Variants in CCDC102B observed in about 807,000 individuals in gnomAD.
The protein encoded by CCDC102B is coiled-coil domain-containing protein 102B.
In CCDC102B, 75 loss-of-function variants were observed where a neutral mutation model predicts 57.4. The ratio of observed to expected loss-of-function variants is 1.31; its 90% confidence interval spans 1.08 to 1.58. The LOEUF (loss-of-function observed/expected upper bound fraction) is 1.58, where lower values mean the gene tolerates loss of function less well. Among genes scored for constraint, CCDC102B ranks in the 40% most tolerant of loss-of-function variants. The pLI, the probability that CCDC102B is intolerant of heterozygous loss-of-function variation, is 0.00. For missense variants in CCDC102B, 636 were observed against 582.6 expected, an observed-to-expected ratio of 1.09 and a Z score of -0.94; for synonymous variants, 206 against 201.9, an observed-to-expected ratio of 1.02 and a Z score of -0.17.
At chr18:68,781,338 C>CAG (rs34360445) in intron 2 of CCDC102B, among the ~76,000 whole-genome samples, 83,965 of 151,806 alleles carry the variant, frequency 0.55, 23,558 homozygotes, top group East Asian at 0.91. Context: ...AGTGGGTGGA[C>CAG]AAAGAAATTT....
intron 6 of CCDC102B, among the ~76,000 whole-genome samples, chr18:68,997,710 T>A (rs1403178794): frequency 6.6e-6 from 1 of 152,054 alleles, no homozygotes; most frequent in Non-Finnish European, 1.5e-5. Context: ...CATTCATCCG[T>A]GTCTTTTTAA....
At chr18:68,730,650 A>G (rs2032817067) in intron 2 of CCDC102B, among the ~76,000 whole-genome samples, 1 of 152,190 alleles carries the variant, frequency 6.6e-6, no homozygotes, top group African/African-American at 2.4e-5. Flanking sequence ...CATTAATGTA[A>G]TCTCACACTC....
intron 4 of CCDC102B, among the ~76,000 whole-genome samples, chr18:68,870,299 G>A (rs1219249499): frequency 6.6e-6 from 1 of 152,198 alleles, no homozygotes; most frequent in East Asian, 1.9e-4. Context: ...CATGACACAT[G>A]TATACCTATG....
intron 6 of CCDC102B, among the ~76,000 whole-genome samples, chr18:69,009,524 A>G (rs768785629): frequency 1.3e-5 from 2 of 152,196 alleles, no homozygotes; most frequent in Non-Finnish European, 2.9e-5. Flanking sequence ...TGTTATATGC[A>G]AATTATATAC....
intron 7 of CCDC102B, among the ~76,000 whole-genome samples, chr18:69,017,560 G>T (rs890335458): frequency 6.6e-6 from 1 of 151,946 alleles, no homozygotes; most frequent in South Asian, 2.1e-4. Context: ...TATATTTAAT[G>T]TGTATAATGT....
intron 4 of CCDC102B, among the ~76,000 whole-genome samples, chr18:68,872,474 A>G (rs1248609541): frequency 6.6e-6 from 1 of 151,964 alleles, no homozygotes; most frequent in African/African-American, 2.4e-5. Context: ...TAAATTTTTG[A>G]ATTTGCTGTG....
intron 4 of CCDC102B, among the ~76,000 whole-genome samples, chr18:68,873,051 G>A (rs2040327638): frequency 2.0e-5 from 3 of 152,146 alleles, no homozygotes; most frequent in African/African-American, 7.2e-5. Flanking sequence ...TTACCGAAAT[G>A]AATTCGATAT....
intron 2 of CCDC102B, among the ~76,000 whole-genome samples, chr18:68,737,630 G>A (rs2033202643): frequency 6.6e-6 from 1 of 152,092 alleles, no homozygotes; most frequent in Admixed American, 6.6e-5. Context: ...TGGCTGTAGA[G>A]TTAAATCCAC....
chr18:68,868,088 ACTT>A lies in CCDC102B; in HGVS notation c.937-6577_937-6575del, dbSNP rs529571157. 5.3e-3 allele frequency among the ~76,000 whole-genome samples: 801 copies of A among 152,008 alleles called. 4 individuals carry two copies. Among genetic ancestry groups the A allele is most frequent in the African/African-American group, 8.8e-3 (364 of 41,520 alleles). ...TCTTATTGCATTTCCAGAAAAAAAAACTTCTTAATTTCATGCTTCCAAGTCCAT... is the reference window on the plus strand; with the variant it reads ...TCTTATTGCATTTCCAGAAAAAAAAACTTAATTTCATGCTTCCAAGTCCAT... On this transcript the variant is annotated intron_variant, in intron 4 of 7. Coordinates refer to ENST00000360242, the MANE Select transcript of CCDC102B (RefSeq NM_024781.3).
At chr18:68,724,721 C>A (rs2032513887) in intron 2 of CCDC102B, among the ~76,000 whole-genome samples, 1 of 152,192 alleles carries the variant, frequency 6.6e-6, no homozygotes, top group Non-Finnish European at 1.5e-5. Flanking sequence ...CCCACATCTT[C>A]CTGTCTTCTA....
chr18:68,787,297 G>A (rs1006034460), intron 2 of CCDC102B, among the ~76,000 whole-genome samples: 1 of 151,464 alleles, frequency 6.6e-6, no homozygotes, highest in South Asian at 2.1e-4. Context: ...CTCTTTTTTG[G>A]TTGTGTCTCG....
chr18:68,940,656 A>T (rs116105721), intron 6 of CCDC102B, among the ~76,000 whole-genome samples: 1 of 151,886 alleles, frequency 6.6e-6, no homozygotes, highest in African/African-American at 2.4e-5. Context: ...CTTCCTTTAG[A>T]TATATGAAAA....
Position 69,054,883 on chromosome 18 carries a change from G to C in CCDC102B, c.*746G>C, listed in dbSNP as rs2145507738. On this transcript the variant is annotated 3_prime_UTR_variant, in exon 8 of 8. Transcript: ENST00000360242. Reference sequence around the variant, plus strand: ...AGAAATCAGGCCAAAATTAAGCTGTGGTTTCCCTCTGAGTAGTGGGAATAG... The same window carrying C: ...AGAAATCAGGCCAAAATTAAGCTGTCGTTTCCCTCTGAGTAGTGGGAATAG... The C allele has an allele frequency of 1.0e-6, 1 of 985,214 alleles. No homozygotes were observed. The highest frequency in any genetic ancestry group is 1.2e-6 in the Non-Finnish European group (1 of 829,882). The allele number at this position is 985,214 out of a possible 1,614,324, so 61.0% of individuals were successfully genotyped here.
intron 7 of CCDC102B, among the ~76,000 whole-genome samples, chr18:69,043,985 A>G (rs1456995833): frequency 6.6e-6 from 1 of 152,152 alleles, no homozygotes; most frequent in Non-Finnish European, 1.5e-5. Context: ...AAGGGGTCCA[A>G]GAAAGTGATT....
At chr18:68,804,086 T>C (rs909364704) in intron 1 of CCDC102B, among the ~76,000 whole-genome samples, 2 of 152,080 alleles carry the variant, frequency 1.3e-5, no homozygotes, top group Non-Finnish European at 2.9e-5. Context: ...TTGAAGGAGA[T>C]ATTAGAGATG....
chr18:68,866,195 A>G (rs2075024788), intron 4 of CCDC102B, among the ~76,000 whole-genome samples: 3 of 152,238 alleles, frequency 2.0e-5, no homozygotes, highest in Admixed American at 2.0e-4. Flanking sequence ...TATTAGGGTA[A>G]TTCATCCCAA....
At chr18:69,050,754 C>T (rs1026469189) in intron 7 of CCDC102B, among the ~76,000 whole-genome samples, 6 of 151,952 alleles carry the variant, frequency 3.9e-5, no homozygotes, top group Admixed American at 3.3e-4. Flanking sequence ...GATTTCAAAG[C>T]TTAAAGAACT....
intron 2 of CCDC102B, among the ~76,000 whole-genome samples, chr18:68,787,048 A>G (rs1438797829): frequency 1.3e-5 from 2 of 150,492 alleles, no homozygotes; most frequent in Non-Finnish European, 3.0e-5. Context: ...GGGTTGTTGA[A>G]TTTTGTCAAA....
intron 7 of CCDC102B, among the ~76,000 whole-genome samples, chr18:69,024,783 C>G (rs1012778947): frequency 1.1e-4 from 16 of 151,968 alleles, no homozygotes; most frequent in African/African-American, 1.7e-4. Flanking sequence ...TGCATGTTCT[C>G]TACAGTAGAA....
Sources: allele counts gnomAD v4.1 joint callset (sites outside exome capture counted in the v4.1 genomes callset), GRCh38; gene constraint gnomAD v4.1.1; transcripts MANE v1.5; gene names NCBI Gene and HGNC (gene_info 2026-07-23, HGNC 2026-07-21).